SNTG2: variants seen among roughly 807,000 people sequenced by gnomAD.
The protein encoded by SNTG2 is gamma-2-syntrophin.
A neutral mutation model predicts 70.9 loss-of-function variants in SNTG2; 74 were observed. That is an observed-to-expected ratio of 1.04 (90% CI 0.86 to 1.27). The LOEUF (loss-of-function observed/expected upper bound fraction) is 1.27, where lower values mean the gene tolerates loss of function less well. Ranked by LOEUF, SNTG2 falls within the 50% of genes most tolerant of loss-of-function variation. The pLI is 0.00. For missense variants in SNTG2, 717 were observed against 690.7 expected (o/e 1.04, Z -0.43); for synonymous variants, 278 against 273.8 (o/e 1.02, Z -0.15).
At chr2:1,260,296 A>T (rs1377666156) in intron 13 of SNTG2, among the ~76,000 whole-genome samples, 1 of 152,204 alleles carries the variant, frequency 6.6e-6, no homozygotes, top group African/African-American at 2.4e-5. Flanking sequence ...TTAAATCTGG[A>T]ATTTCAGACT....
intron 8 of SNTG2, among the ~76,000 whole-genome samples, chr2:1,187,893 G>T (rs1558508310): frequency 6.6e-6 from 1 of 152,172 alleles, no homozygotes; most frequent in Non-Finnish European, 1.5e-5. Flanking sequence ...TAAAAATAAA[G>T]ACTTGTTCGC....
chr2:1,274,628 C>T (rs1679197969), intron 14 of SNTG2, among the ~76,000 whole-genome samples: 1 of 152,142 alleles, frequency 6.6e-6, no homozygotes, highest in Non-Finnish European at 1.5e-5. Flanking sequence ...CACCATTCTG[C>T]CCTCGATCAG....
At chr2:1,152,175 G>C (rs539097269) in intron 6 of SNTG2, among the ~76,000 whole-genome samples, 5 of 152,238 alleles carry the variant, frequency 3.3e-5, no homozygotes, top group Middle Eastern at 3.4e-3. Flanking sequence ...AGTCAATCAT[G>C]GTGTCCACTC....
At chr2:1,054,814 G>A (rs1662286246) in intron 1 of SNTG2, among the ~76,000 whole-genome samples, 1 of 152,204 alleles carries the variant, frequency 6.6e-6, no homozygotes, top group Non-Finnish European at 1.5e-5. Flanking sequence ...TTGGGAAAAT[G>A]AAGAAAGTAA....
chr2:1,250,862 A>G (rs1272991399), intron 12 of SNTG2, among the ~76,000 whole-genome samples: 1 of 152,094 alleles, frequency 6.6e-6, no homozygotes, highest in Non-Finnish European at 1.5e-5. Context: ...TCTTGTATTC[A>G]TGGCCCCTTT....
intron 1 of SNTG2, among the ~76,000 whole-genome samples, chr2:1,066,344 T>C (rs1663150170): frequency 6.6e-6 from 1 of 151,988 alleles, no homozygotes; most frequent in South Asian, 2.1e-4. Context: ...TTTTGAAGCA[T>C]TGGTTTTGCA....
chr2:1,126,516 C>A (rs927246541), intron 4 of SNTG2, among the ~76,000 whole-genome samples: 4 of 152,186 alleles, frequency 2.6e-5, no homozygotes, highest in Admixed American at 2.6e-4. Context: ...TTGCCAGAAT[C>A]ATATGGTAGT....
chr2:966,901 C>T (rs113785559), intron 1 of SNTG2, among the ~76,000 whole-genome samples: 51,993 of 151,756 alleles, frequency 0.34, 9,639 homozygotes, highest in Middle Eastern at 0.47. Context: ...GAGCCGAGAT[C>T]GCGCCACTGC....
At chr2:1,274,903 A>G (rs1356943032) in intron 14 of SNTG2, among the ~76,000 whole-genome samples, 1 of 152,194 alleles carries the variant, frequency 6.6e-6, no homozygotes, top group Non-Finnish European at 1.5e-5. Context: ...AAAAGGGCTT[A>G]TTTAGCTCAT....
At chr2:1,301,512 C>T (rs1680454214) in intron 14 of SNTG2, among the ~76,000 whole-genome samples, 1 of 152,062 alleles carries the variant, frequency 6.6e-6, no homozygotes. Context: ...CAGAATAAGC[C>T]CAAAGAATTC....
intron 1 of SNTG2, among the ~76,000 whole-genome samples, chr2:1,083,250 T>TAAAA (rs34463801): frequency 1.8e-5 from 1 of 56,188 alleles, no homozygotes; most frequent in African/African-American, 4.9e-5. Flanking sequence ...CTTCACAAGT[T>TAAAA]AAAAAAAAAA....
chr2:1,318,347 A>G (rs1461708707), intron 16 of SNTG2, among the ~76,000 whole-genome samples: 1 of 152,260 alleles, frequency 6.6e-6, no homozygotes, highest in Non-Finnish European at 1.5e-5. Flanking sequence ...TTTATACGTG[A>G]AAGTTTAGGT....
In SNTG2 at chr2:950,939, G is replaced by C; in HGVS notation, c.-58G>C. ...TGGCGGGGCCCTGGGAGGCTCGGACGGGGTCCTGGCGTTGAGCTCGGCCGG... is the reference window on the plus strand; with the variant it reads ...TGGCGGGGCCCTGGGAGGCTCGGACCGGGTCCTGGCGTTGAGCTCGGCCGG... On this transcript the variant is annotated 5_prime_UTR_variant, in exon 1 of 17. Transcript: ENST00000308624. The C allele has an allele frequency of 2.2e-6, 2 of 920,842 alleles. No homozygotes were observed. The highest frequency in any genetic ancestry group is 2.8e-6 in the Non-Finnish European group (2 of 714,996). 57.0% of individuals were successfully genotyped at this position (920,842 alleles called of 1,614,324 possible). A position where few individuals can be genotyped will look rare whatever the true frequency, so the allele number is the denominator to read the frequency against.
chr2:1,051,208 C>CCCTTCCTT (rs1177016738), intron 1 of SNTG2, among the ~76,000 whole-genome samples: 133 of 122,096 alleles, frequency 1.1e-3, no homozygotes, highest in Non-Finnish European at 1.3e-3. Flanking sequence ...CTCCCTTCCT[C>CCCTTCCTT]CCTTCCTTCC....
At chr2:1,127,739 T>G (rs1446438399) in intron 4 of SNTG2, among the ~76,000 whole-genome samples, 1 of 152,110 alleles carries the variant, frequency 6.6e-6, no homozygotes, top group East Asian at 1.9e-4. Context: ...TGGGATTGGT[T>G]TACTGATTTT....
chr2:1,136,373 ACAGGGAGACGGCG>A (rs1469434550), intron 4 of SNTG2, among the ~76,000 whole-genome samples: 2 of 151,666 alleles, frequency 1.3e-5, no homozygotes, highest in Non-Finnish European at 2.9e-5. Context: ...CAGTTTGAAC[ACAGGGAGACGGCG>A]CAGGGGAGAA....
At chr2:1,233,728 A>G (rs1676417626) in intron 9 of SNTG2, among the ~76,000 whole-genome samples, 1 of 152,238 alleles carries the variant, frequency 6.6e-6, no homozygotes, top group Non-Finnish European at 1.5e-5. Context: ...AACTGAATTG[A>G]TTCACTTTCT....
At chr2:1,268,031 C>T (rs1373428511) in intron 14 of SNTG2, among the ~76,000 whole-genome samples, 1 of 152,328 alleles carries the variant, frequency 6.6e-6, no homozygotes, top group Non-Finnish European at 1.5e-5. Flanking sequence ...GAATATAAAA[C>T]AGCTTGTGTG....
At chr2:1,035,156 T>G (rs1313696594) in intron 1 of SNTG2, among the ~76,000 whole-genome samples, 1 of 152,228 alleles carries the variant, frequency 6.6e-6, no homozygotes, top group African/African-American at 2.4e-5. Context: ...AAGAAGTTCT[T>G]TGAAATTAAT....
Sources: gnomAD v4.1 joint callset for allele counts (sites outside exome capture counted in the v4.1 genomes callset) on GRCh38, gnomAD v4.1.1 for gene constraint, MANE v1.5 for transcripts, NCBI Gene and HGNC (gene_info 2026-07-23, HGNC 2026-07-21) for gene names.